ACAP2: variants seen among roughly 807,000 people sequenced by gnomAD.
ACAP2 encodes the protein arf-GAP with coiled-coil, ANK repeat and PH domain-containing protein 2.
A neutral mutation model predicts 115.8 loss-of-function variants in ACAP2; 39 were observed. The observed-to-expected ratio is 0.34, with a 90% CI of 0.26 to 0.44. ACAP2 has a LOEUF of 0.44. ACAP2 is among the 20% of genes least tolerant of loss of function. The probability of loss-of-function intolerance (pLI) is 1.00; values close to 1 mark genes in which losing one functional copy is unlikely to be tolerated. For synonymous variants in ACAP2, 289 were observed against 315.8 expected (o/e 0.92, Z 0.90); for missense variants, 662 against 927.6 (o/e 0.71, Z 3.72).
At chr3:195,292,921 C>CAAAAAAAAA (rs3988217) in intron 18 of ACAP2, among the ~76,000 whole-genome samples, 1 of 76,724 alleles carries the variant, frequency 1.3e-5, no homozygotes, top group Non-Finnish European at 2.4e-5. Context: ...GACTCAGTCT[C>CAAAAAAAAA]AAAAAAAAAA....
intron 9 of ACAP2, among the ~76,000 whole-genome samples, chr3:195,324,823 A>G (rs1729669339): frequency 6.6e-6 from 1 of 152,178 alleles, no homozygotes. Context: ...TGATCTTGAA[A>G]TGGAAAGGAT....
At chr3:195,397,723 C>A (rs1248292182) in intron 1 of ACAP2, among the ~76,000 whole-genome samples, 5 of 152,224 alleles carry the variant, frequency 3.3e-5, no homozygotes, top group African/African-American at 9.6e-5. Context: ...ACAACACTCT[C>A]TCCCACAGAG....
Position 195,301,949 on chromosome 3 carries a change from T to C in ACAP2, c.1325+17A>G, listed in dbSNP as rs1188264330. ...TATCCAAAAGAAGAAATTCTCATCC[T>C]GGGCAGGCCTACCCACCGGTGAATT... On this transcript the variant is annotated intron_variant, in intron 14 of 22. Transcript: ENST00000326793. 6.2e-7 allele frequency: 1 copy of C among 1,604,238 alleles called. No individual in the cohort carries two copies. Among genetic ancestry groups the C allele is most frequent in the East Asian group, 2.2e-5 (1 of 44,726 alleles).
chr3:195,302,280 C>T, intron 13 of ACAP2, 106 bp from the exon 14 acceptor site: 1 of 998,014 alleles, frequency 1.0e-6, no homozygotes, highest in East Asian at 2.6e-5. Flanking sequence ...AATTAAAGGC[C>T]TGTTACAGGC....
chr3:195,333,218 G>T, intron 7 of ACAP2, 95 bp from the exon 8 acceptor site: 2 of 567,266 alleles, frequency 3.5e-6, no homozygotes, highest in Non-Finnish European at 5.3e-6. Flanking sequence ...AAAAGACAGG[G>T]TCTTGCTCTG....
intron 10 of ACAP2, among the ~76,000 whole-genome samples, chr3:195,316,194 G>GT (rs146926003): frequency 0.012 from 1,729 of 147,284 alleles, 34 homozygotes; most frequent in African/African-American, 0.04. Context: ...GTCAAGCTGG[G>GT]TTTTTTTTGT....
At chr3:195,289,568 A>C (rs1727096456) in intron 20 of ACAP2, among the ~76,000 whole-genome samples, 1 of 152,086 alleles carries the variant, frequency 6.6e-6, no homozygotes, top group South Asian at 2.1e-4. Flanking sequence ...TGGGAGGCCA[A>C]GGTGTGCGGA....
chr3:195,415,092 C>A (rs146503761), intron 1 of ACAP2, among the ~76,000 whole-genome samples: 1 of 151,940 alleles, frequency 6.6e-6, no homozygotes, highest in Non-Finnish European at 1.5e-5. Flanking sequence ...CAAGAATGAA[C>A]GTTAATGGAA....
At chr3:195,353,638 T>C (rs543733352) in intron 4 of ACAP2, among the ~76,000 whole-genome samples, 4 of 152,296 alleles carry the variant, frequency 2.6e-5, no homozygotes, top group African/African-American at 9.6e-5. Flanking sequence ...AAAGAAAAAC[T>C]TTTAAAGCAT....
chr3:195,412,057 GC>G, intron 1 of ACAP2, among the ~76,000 whole-genome samples: 1 of 151,056 alleles, frequency 6.6e-6, no homozygotes, highest in Non-Finnish European at 1.5e-5. Flanking sequence ...GGGTGCAGTG[GC>G]TCATGCCTAT....
At chr3:195,388,702 T>C (rs1430530136) in intron 2 of ACAP2, among the ~76,000 whole-genome samples, 3 of 152,156 alleles carry the variant, frequency 2.0e-5, no homozygotes, top group Non-Finnish European at 2.9e-5. Context: ...CCCCATAGTT[T>C]CTAAAATAAA....
At chr3:195,331,528 G>T (rs1730166073) in intron 8 of ACAP2, among the ~76,000 whole-genome samples, 1 of 151,494 alleles carries the variant, frequency 6.6e-6, no homozygotes, top group African/African-American at 2.4e-5. Flanking sequence ...GCCCAGGCTG[G>T]TCTCAAACTC....
In ACAP2 at chr3:195,292,355, T is replaced by G; in HGVS notation, c.1863A>C (p.Lys621Asn). ...YRASYEKNLPKMAEALAHGAD... is the reference protein window; with the variant it reads ...YRASYEKNLPNMAEALAHGAD... ...CACCATGAGCCAAAGCCTCAGCCATTTTAGGAAGGTTTTTTTCATATGACG... is the reference window on the plus strand; with the variant it reads ...CACCATGAGCCAAAGCCTCAGCCATGTTAGGAAGGTTTTTTTCATATGACG... Residue 621 changes from lysine (K) to asparagine (N), a missense_variant, in exon 19 of 23, where the codon AAA becomes AAC. By Grantham distance (94) the Lys-to-Asn change is moderately conservative. Transcript: ENST00000326793. The G allele has an allele frequency of 6.2e-7, 1 of 1,614,052 alleles. No individual in the cohort carries two copies. Among genetic ancestry groups the G allele is most frequent in the Non-Finnish European group, 8.5e-7 (1 of 1,180,008 alleles).
chr3:195,305,251 G>A (rs1728346375), intron 13 of ACAP2, among the ~76,000 whole-genome samples: 1 of 152,172 alleles, frequency 6.6e-6, no homozygotes, highest in East Asian at 1.9e-4. Context: ...AACACACACG[G>A]ACACAAAAAT....
chr3:195,417,809 C>T (rs936443988), intron 1 of ACAP2, among the ~76,000 whole-genome samples: 1 of 151,902 alleles, frequency 6.6e-6, no homozygotes, highest in Non-Finnish European at 1.5e-5. Flanking sequence ...ATTAGCCAGG[C>T]ATGGTGGTAT....
rs1728427697 is a variant in ACAP2, at chr3:195,306,462, C to A, written c.1116+49G>T. On this transcript the variant is annotated intron_variant, in intron 13 of 22. Transcript: ENST00000326793. ...AGTCATATAACGTTGCAACTAAAAT[C>A]AAGAATTTTGGCAATATATTATCTG... The A allele has an allele frequency of 3.1e-6, 4 of 1,280,446 alleles. 1 individual carries two copies. 79.3% of individuals were successfully genotyped at this position (1,280,446 alleles called of 1,614,324 possible).
chr3:195,306,501 C>T lies in ACAP2; in HGVS notation c.1116+10G>A. On this transcript the variant is annotated intron_variant, in intron 13 of 22. Coordinates refer to ENST00000326793, the MANE Select transcript of ACAP2 (RefSeq NM_012287.6). ...ATATATTATCTGGTATTGCTAATAC[C>T]TCTACTAACCTCTGATTCATCACCC... 1 of 1,578,002 alleles carries T rather than the reference C, an allele frequency of 6.3e-7. No homozygotes were observed. Among genetic ancestry groups the T allele is most frequent in the Non-Finnish European group, 8.6e-7 (1 of 1,160,004 alleles).
chr3:195,336,047 A>G (rs9812506), intron 7 of ACAP2: 46,863 of 151,010 alleles, frequency 0.31, 8,382 homozygotes, highest in East Asian at 0.82. Context: ...GATTACAGGC[A>G]CCCGCCACCA....
intron 1 of ACAP2, among the ~76,000 whole-genome samples, chr3:195,408,841 G>GA (rs1380579768): frequency 5.9e-5 from 9 of 151,880 alleles, no homozygotes; most frequent in South Asian, 2.1e-4. Flanking sequence ...AGAATGAAGG[G>GA]AAAAAAATCC....
Sources: gnomAD v4.1 joint callset for allele counts (sites outside exome capture counted in the v4.1 genomes callset) on GRCh38, gnomAD v4.1.1 for gene constraint, MANE v1.5 for transcripts, NCBI Gene and HGNC (gene_info 2026-07-23, HGNC 2026-07-21) for gene names.